Variants in GNAT3 observed in about 807,000 individuals in gnomAD.
The protein encoded by GNAT3 is G protein subunit alpha transducin 3.
In GNAT3, 31 loss-of-function variants were observed where a neutral mutation model predicts 37.7. That is an observed-to-expected ratio of 0.82 (90% CI 0.62 to 1.11). GNAT3 has a LOEUF of 1.11. Ranked by LOEUF, GNAT3 falls within the 50% of genes most tolerant of loss-of-function variation. The pLI is 0.00. For synonymous variants in GNAT3, 138 were observed against 139.8 expected (o/e 0.99, Z 0.09); for missense variants, 437 against 412.5 (o/e 1.06, Z -0.51).
intron 1 of GNAT3, among the ~76,000 whole-genome samples, chr7:80,509,494 A>T (rs1190731072): frequency 6.6e-6 from 1 of 152,128 alleles, no homozygotes; most frequent in Non-Finnish European, 1.5e-5. Flanking sequence ...CACCTTGGGA[A>T]AGTAAAACAT....
At chr7:80,498,103 T>C (rs534115457) in intron 1 of GNAT3, among the ~76,000 whole-genome samples, 1 of 152,278 alleles carries the variant, frequency 6.6e-6, no homozygotes, top group East Asian at 1.9e-4. Context: ...TGAAAATTTA[T>C]AAATTTGTGA....
At chr7:80,501,873 A>G (rs1174388205) in intron 1 of GNAT3, among the ~76,000 whole-genome samples, 1 of 152,060 alleles carries the variant, frequency 6.6e-6, no homozygotes, top group East Asian at 1.9e-4. Context: ...TCTGTGATAC[A>G]GAAAAAATAA....
At chr7:80,481,030 C>T (rs1432267696) in intron 3 of GNAT3, among the ~76,000 whole-genome samples, 1 of 152,066 alleles carries the variant, frequency 6.6e-6, no homozygotes, top group Admixed American at 6.6e-5. Flanking sequence ...TCTGATACAA[C>T]TCAGCTTATT....
Position 80,511,889 on chromosome 7 carries a change from G to T in GNAT3, c.38C>A (p.Ala13Asp). The change falls in exon 1 of 8, where the codon GCC becomes GAC. Residue 13 changes from alanine to aspartate, a missense_variant. Coordinates refer to ENST00000398291, the MANE Select transcript of GNAT3 (RefSeq NM_001102386.3). ...TTTCTCCAGTTCTTTTGATCTTTTG[G>T]CTGACTCCTTGCTCTCTGAACTAAT... ...SGISSESKES[A>D]KRSKELEKKL... is the part of the protein sequence containing the mutation. The T allele has an allele frequency of 1.2e-6, 2 of 1,611,866 alleles. No homozygotes were observed. The highest frequency in any genetic ancestry group is 1.7e-6 in the Non-Finnish European group (2 of 1,178,700).
At chr7:80,477,880 C>T (rs1190782483) in intron 4 of GNAT3, among the ~76,000 whole-genome samples, 2 of 152,126 alleles carry the variant, frequency 1.3e-5, no homozygotes, top group Non-Finnish European at 2.9e-5. Flanking sequence ...TAGTAAGGGG[C>T]TATGTTAGGA....
chr7:80,462,450 A>G, intron 6 of GNAT3, 52 bp downstream of exon 6: 1 of 1,602,354 alleles, frequency 6.2e-7, no homozygotes, highest in Non-Finnish European at 8.5e-7. Flanking sequence ...AGTACTACTG[A>G]AAAGCACAAA....
At chr7:80,497,567 T>TATACATATACGTATATACATATACGC (rs1790743278) in intron 1 of GNAT3, among the ~76,000 whole-genome samples, 1 of 142,162 alleles carries the variant, frequency 7.0e-6, no homozygotes, top group Non-Finnish European at 1.6e-5. Context: ...TACATATACG[T>TATACATATACGTATATACATATACGC]ATATACATAT....
intron 5 of GNAT3, among the ~76,000 whole-genome samples, chr7:80,463,367 C>T (rs1790084019): frequency 6.6e-6 from 1 of 152,014 alleles, no homozygotes; most frequent in Admixed American, 6.6e-5. Flanking sequence ...AAACTAGGAG[C>T]TAGGCAGTAA....
At chr7:80,492,172 A>C (rs1221644404) in intron 2 of GNAT3, among the ~76,000 whole-genome samples, 1 of 78,352 alleles carries the variant, frequency 1.3e-5, no homozygotes, top group Non-Finnish European at 2.5e-5. Context: ...TCTACTAAAA[A>C]TACCAAAAAA....
At chr7:80,477,335 AC>A (rs1462240327) in intron 4 of GNAT3, among the ~76,000 whole-genome samples, 1 of 152,126 alleles carries the variant, frequency 6.6e-6, no homozygotes, top group Non-Finnish European at 1.5e-5. Context: ...CATTGTGACT[AC>A]CTTTACCAAT....
intron 7 of GNAT3, among the ~76,000 whole-genome samples, chr7:80,459,676 C>A (rs761202443): frequency 1.1e-4 from 17 of 152,120 alleles, no homozygotes; most frequent in Non-Finnish European, 2.2e-4. Context: ...GGCTTTATAA[C>A]AGAATATGCT....
At chr7:80,462,709 A>ACCTC in intron 5 of GNAT3, 78 bp from the exon 6 acceptor site, 2 of 1,069,844 alleles carry the variant, frequency 1.9e-6, no homozygotes, top group Non-Finnish European at 2.7e-6. Flanking sequence ...ATTTAGAGGT[A>ACCTC]TAAATGGGTG....
intron 5 of GNAT3, among the ~76,000 whole-genome samples, chr7:80,473,234 A>G (rs1169684672): frequency 1.3e-5 from 2 of 152,178 alleles, no homozygotes; most frequent in African/African-American, 4.8e-5. Flanking sequence ...TCAGAAAATT[A>G]ACTATTTGTG....
chr7:80,473,760 A>G (rs1016622361), intron 5 of GNAT3, among the ~76,000 whole-genome samples: 1 of 152,144 alleles, frequency 6.6e-6, no homozygotes, highest in African/African-American at 2.4e-5. Flanking sequence ...CATACTCAAA[A>G]CATGGTTATA....
chr7:80,465,108 T>C (rs994023193), intron 5 of GNAT3, among the ~76,000 whole-genome samples: 8 of 152,152 alleles, frequency 5.3e-5, no homozygotes, highest in Middle Eastern at 3.2e-3. Flanking sequence ...GAAACAAGGA[T>C]GATAAATATG....
At chr7:80,480,909 C>G (rs1382971807) in intron 3 of GNAT3, among the ~76,000 whole-genome samples, 1 of 152,072 alleles carries the variant, frequency 6.6e-6, no homozygotes. Flanking sequence ...GGAATGAAGC[C>G]TAGTGGGTCT....
chr7:80,508,533 C>T (rs1030090129), intron 1 of GNAT3, among the ~76,000 whole-genome samples: 3 of 151,918 alleles, frequency 2.0e-5, no homozygotes, highest in African/African-American at 4.8e-5. Context: ...AATATCTTTG[C>T]AAGTAAATTT....
chr7:80,506,499 A>T (rs1326768079), intron 1 of GNAT3, among the ~76,000 whole-genome samples: 1 of 152,222 alleles, frequency 6.6e-6, no homozygotes, highest in Non-Finnish European at 1.5e-5. Context: ...GCCATGGGCC[A>T]TTCTGATGGA....
chr7:80,496,123 C>A (rs1215342640), intron 1 of GNAT3, among the ~76,000 whole-genome samples: 1 of 151,986 alleles, frequency 6.6e-6, no homozygotes, highest in African/African-American at 2.4e-5. Context: ...TTGCCTAGGC[C>A]AATATCCAGA....
Sources: allele counts gnomAD v4.1 joint callset (sites outside exome capture counted in the v4.1 genomes callset), GRCh38; gene constraint gnomAD v4.1.1; transcripts MANE v1.5; gene names NCBI Gene and HGNC (gene_info 2026-07-23, HGNC 2026-07-21).